ARHGAP42: variants seen among roughly 807,000 people sequenced by gnomAD.
ARHGAP42 encodes rho GTPase-activating protein 42.
A neutral mutation model predicts 125.0 loss-of-function variants in ARHGAP42; 63 were observed. The ratio of observed to expected loss-of-function variants is 0.50; its 90% confidence interval spans 0.41 to 0.62. The LOEUF is 0.62. Among genes scored for constraint, ARHGAP42 ranks in the 20% least tolerant of loss-of-function variants. The probability of loss-of-function intolerance (pLI) is 0.00; values close to 1 mark genes in which losing one functional copy is unlikely to be tolerated. For synonymous variants in ARHGAP42, 339 were observed against 351.0 expected (o/e 0.97, Z 0.38); for missense variants, 766 against 1,024.2 (o/e 0.75, Z 3.44).
At chr11:100,906,841 T>G (rs1475840268) in intron 4 of ARHGAP42, among the ~76,000 whole-genome samples, 1 of 152,228 alleles carries the variant, frequency 6.6e-6, no homozygotes, top group Non-Finnish European at 1.5e-5. Flanking sequence ...ACACTTATTA[T>G]TTCTCTCTAA....
intron 21 of ARHGAP42, 121 bp from the exon 22 acceptor site, chr11:100,978,866 T>G: frequency 1.1e-6 from 1 of 882,568 alleles, no homozygotes; most frequent in Non-Finnish European, 1.8e-6. Flanking sequence ...AATTCCCTTC[T>G]AATTTTGGCA....
intron 3 of ARHGAP42, among the ~76,000 whole-genome samples, chr11:100,849,357 G>A (rs1043686608): frequency 2.0e-5 from 3 of 152,114 alleles, no homozygotes; most frequent in African/African-American, 7.2e-5. Flanking sequence ...ATCTGGATTT[G>A]GAAAAGACCA....
At chr11:100,952,195 C>T (rs557452263) in intron 12 of ARHGAP42, among the ~76,000 whole-genome samples, 4 of 152,142 alleles carry the variant, frequency 2.6e-5, no homozygotes, top group South Asian at 4.1e-4. Context: ...AAAACTAAGT[C>T]GTTTTCACTT....
intron 4 of ARHGAP42, among the ~76,000 whole-genome samples, chr11:100,909,018 C>CGAAACA (rs1866832981): frequency 1.3e-5 from 2 of 152,068 alleles, no homozygotes; most frequent in Non-Finnish European, 2.9e-5. Flanking sequence ...TTGTTAGCTG[C>CGAAACA]TTGTGTGTCT....
chr11:100,719,631 A>G (rs1861725440), intron 1 of ARHGAP42, among the ~76,000 whole-genome samples: 1 of 152,106 alleles, frequency 6.6e-6, no homozygotes, highest in African/African-American at 2.4e-5. Flanking sequence ...CCTCACCCAT[A>G]TCTCTGCCTC....
chr11:100,893,158 G>GGTGTGT (rs142725608), intron 4 of ARHGAP42, among the ~76,000 whole-genome samples: 4,394 of 147,044 alleles, frequency 0.03, 86 homozygotes, highest in African/African-American at 0.035. Context: ...AACATTTAGG[G>GGTGTGT]GTGTGTGTGT....
chr11:100,780,508 G>A (rs1863282838), intron 2 of ARHGAP42, among the ~76,000 whole-genome samples: 2 of 152,232 alleles, frequency 1.3e-5, no homozygotes, highest in African/African-American at 2.4e-5. Flanking sequence ...CAGTGATGAA[G>A]TTGGTCCACC....
chr11:100,921,026 C>T (rs1015813925), intron 5 of ARHGAP42, among the ~76,000 whole-genome samples: 16 of 151,396 alleles, frequency 1.1e-4, no homozygotes, highest in African/African-American at 3.2e-4. Context: ...CTGTCTCCTT[C>T]GTGCCTCTAC....
Position 100,801,178 on chromosome 11 carries a change from T to C in ARHGAP42, c.312+6012T>C, listed in dbSNP as rs146224723. ...AGATTTGGGATGCTCAACCTGTATG[T>C]ATAGATGGTGAGAGATTTTGTACAA... On this transcript the variant is annotated intron_variant, in intron 3 of 23. Coordinates refer to ENST00000298815, the MANE Select transcript of ARHGAP42 (RefSeq NM_152432.4). Among the ~76,000 whole-genome samples, 518 of 152,276 alleles carry C rather than the reference T, an allele frequency of 3.4e-3. 2 individuals carry two copies. Among genetic ancestry groups the C allele is most frequent in the Middle Eastern group, 0.027 (8 of 294 alleles).
At chr11:100,920,363 T>C (rs931580863) in intron 5 of ARHGAP42, among the ~76,000 whole-genome samples, 7 of 152,212 alleles carry the variant, frequency 4.6e-5, no homozygotes, top group Non-Finnish European at 1.0e-4. Flanking sequence ...TATAATTTTT[T>C]ACTCTTCCAA....
At position 100,854,832 on chromosome 11, in the gene ARHGAP42, G is replaced by A. The variant is rs183581143; in HGVS notation, c.313-4722G>A. On this transcript the variant is annotated intron_variant, in intron 3 of 23. Transcript: ENST00000298815. ...ACTAGATACAGTTTGGGACAAGGCA[G>A]AGAAGAGATGCTTGCTTGTAATCAA... Among the ~76,000 whole-genome samples, 316 of 152,284 alleles carry A rather than the reference G, an allele frequency of 2.1e-3. No homozygotes were observed. In the Middle Eastern group the frequency reaches 0.027, roughly 13 times the overall value.
At position 100,759,558 on chromosome 11, in the gene ARHGAP42, A is replaced by G. The variant is rs115651520; in HGVS notation, c.155-10785A>G. On this transcript the variant is annotated intron_variant, in intron 1 of 23. Coordinates refer to ENST00000298815, the MANE Select transcript of ARHGAP42 (RefSeq NM_152432.4). ...TCAGGGAGAGTTATAAGATTTAGACACAAAGAAGTATAATAATAAAAGGGA... is the reference window on the plus strand; with the variant it reads ...TCAGGGAGAGTTATAAGATTTAGACGCAAAGAAGTATAATAATAAAAGGGA... Among the ~76,000 whole-genome samples the G allele has an allele frequency of 8.7e-3, 1,318 of 152,292 alleles. 18 individuals are homozygous for G. The highest frequency in any genetic ancestry group is 0.029 in the African/African-American group (1,213 of 41,552).
chr11:100,853,471 C>T (rs1339466727), intron 3 of ARHGAP42, among the ~76,000 whole-genome samples: 1 of 152,056 alleles, frequency 6.6e-6, no homozygotes, highest in Non-Finnish European at 1.5e-5. Flanking sequence ...AGGAATAAAA[C>T]AAAAGTAGTT....
chr11:100,818,158 C>G (rs1005729251), intron 3 of ARHGAP42, among the ~76,000 whole-genome samples: 1 of 152,176 alleles, frequency 6.6e-6, no homozygotes, highest in African/African-American at 2.4e-5. Flanking sequence ...TTCCATCCTG[C>G]TTCCTCCAAA....
chr11:100,774,369 G>T (rs1333273797), intron 2 of ARHGAP42, among the ~76,000 whole-genome samples: 4 of 152,198 alleles, frequency 2.6e-5, no homozygotes, highest in Non-Finnish European at 5.9e-5. Context: ...GTTGAAGCCT[G>T]AGTTCCAACG....
At chr11:100,917,504 C>T (rs1867106438) in intron 5 of ARHGAP42, among the ~76,000 whole-genome samples, 1 of 152,102 alleles carries the variant, frequency 6.6e-6, no homozygotes, top group Non-Finnish European at 1.5e-5. Context: ...ACCCTCTTTT[C>T]CCAAATTTGC....
rs895131590 is a variant in ARHGAP42, at chr11:100,921,512, C to G, written c.505C>G (p.Arg169Gly). ...HLQEADTQIDREHQNFYEASL... is the reference protein window; with the variant it reads ...HLQEADTQIDGEHQNFYEASL... ...TCTTTAGGCAGATACACAAATTGAC[C>G]GAGAACATCAGAACTTCTATGAAGC... The change falls in exon 6 of 24, where the codon CGA becomes GGA. Residue 169 changes from arginine (R) to glycine (G), a missense_variant. Coordinates refer to ENST00000298815, the MANE Select transcript of ARHGAP42 (RefSeq NM_152432.4). 1 of 1,543,554 alleles carries G rather than the reference C, an allele frequency of 6.5e-7. No homozygotes were observed. The highest frequency in any genetic ancestry group is 1.4e-5 in the African/African-American group (1 of 72,196).
intron 3 of ARHGAP42, among the ~76,000 whole-genome samples, chr11:100,858,307 G>A (rs567178880): frequency 2.6e-5 from 4 of 152,120 alleles, no homozygotes; most frequent in African/African-American, 9.6e-5. Context: ...ATCTCCAGTT[G>A]GCCCTCATTG....
chr11:100,843,813 G>A (rs940775142), intron 3 of ARHGAP42, among the ~76,000 whole-genome samples: 11 of 152,102 alleles, frequency 7.2e-5, no homozygotes, highest in Non-Finnish European at 1.5e-4. Context: ...ACAAACAAAT[G>A]GAAACACGTC....
Sources: allele counts gnomAD v4.1 joint callset (sites outside exome capture counted in the v4.1 genomes callset), GRCh38; gene constraint gnomAD v4.1.1; transcripts MANE v1.5; gene names NCBI Gene and HGNC (gene_info 2026-07-23, HGNC 2026-07-21).